The following STK32B variants were observed in gnomAD, a reference collection of about 807,000 sequenced individuals.
The protein encoded by STK32B is serine/threonine-protein kinase 32B.
STK32B carries 43 observed loss-of-function variants against 52.6 expected under a neutral mutation model. The observed-to-expected ratio is 0.82, with a 90% CI of 0.64 to 1.05. The LOEUF is 1.05. STK32B is among the 50% of genes least tolerant of loss of function. The pLI, the probability that STK32B is intolerant of heterozygous loss-of-function variation, is 0.00. For synonymous variants in STK32B, 238 were observed against 204.3 expected (o/e 1.17, Z -1.41); for missense variants, 621 against 534.6 (o/e 1.16, Z -1.59).
rs139433028 is a variant in STK32B at position 5,395,649 on chromosome 4, G to A, written c.435-2558G>A. On this transcript the variant is annotated intron_variant, in intron 4 of 11. Coordinates refer to ENST00000282908, the MANE Select transcript of STK32B (RefSeq NM_018401.3). The surrounding 1 kb of genome is among the most constrained non-coding windows in gnomAD (Gnocchi z 4.4). ...TGTTCACGACGTGTCCTTCATGACC[G>A]CAAAGGGGACACCCCCGTAAATGCT... Among the ~76,000 whole-genome samples the A allele has an allele frequency of 7.2e-5, 11 of 152,268 alleles. No individual in the cohort carries two copies. The highest frequency in any genetic ancestry group is 1.9e-4 in the East Asian group (1 of 5,172).
intron 1 of STK32B, among the ~76,000 whole-genome samples, chr4:5,100,984 G>A (rs960628822): frequency 4.0e-5 from 6 of 151,656 alleles, no homozygotes; most frequent in Admixed American, 1.3e-4. Flanking sequence ...CTGCAGCCTC[G>A]AACTCATGGG....
At chr4:5,120,790 T>A (rs1020444003) in intron 1 of STK32B, among the ~76,000 whole-genome samples, 3 of 151,892 alleles carry the variant, frequency 2.0e-5, no homozygotes, top group African/African-American at 7.2e-5. Context: ...ACTTTACATA[T>A]GTGTATGAAA....
intron 4 of STK32B, among the ~76,000 whole-genome samples, chr4:5,382,577 T>A (rs1736002276): frequency 6.6e-6 from 1 of 152,072 alleles, no homozygotes; most frequent in South Asian, 2.1e-4. Context: ...CTCTGTGGTC[T>A]TCCTAAAGAG....
In STK32B at chr4:5,386,826, G is replaced by C. The variant is rs1040292491; in HGVS notation, c.435-11381G>C. On this transcript the variant is annotated intron_variant, in intron 4 of 11. Transcript: ENST00000282908. The surrounding 1 kb of genome is among the most constrained non-coding windows in gnomAD (Gnocchi z 4.5). ...ACTCTCGGATTCCAATAGAAGTCAC[G>C]TGGATAGAGTCGGATTCAGCCTTGA... 2.0e-5 allele frequency among the ~76,000 whole-genome samples: 3 copies of C among 151,990 alleles called. No individual in the cohort carries two copies. The highest frequency in any genetic ancestry group is 7.2e-5 in the African/African-American group (3 of 41,432).
intron 1 of STK32B, among the ~76,000 whole-genome samples, chr4:5,097,016 T>C (rs1713439933): frequency 6.6e-6 from 1 of 152,216 alleles, no homozygotes; most frequent in Non-Finnish European, 1.5e-5. Context: ...AATAAGAAAC[T>C]TATCCAACTC....
chr4:5,085,860 G>T (rs1712704082), intron 1 of STK32B, among the ~76,000 whole-genome samples: 1 of 152,088 alleles, frequency 6.6e-6, no homozygotes, highest in South Asian at 2.1e-4. Context: ...CAACCCATGT[G>T]CCTTGTACCA....
Position 5,229,222 on chromosome 4 carries a change from G to GT in STK32B, c.260+60782dup, listed in dbSNP as rs3072782. ...ATAAAATGAGGTACGTCTATATTTA[G>GT]TTTTTTTTTTCCTTTTAAACTCTGA... On this transcript the variant is annotated intron_variant, in intron 3 of 11. Transcript: ENST00000282908. 5.2e-3 allele frequency among the ~76,000 whole-genome samples: 766 copies of GT among 148,282 alleles called. 11 individuals are homozygous for GT. The highest frequency in any genetic ancestry group is 0.017 in the African/African-American group (674 of 40,322).
chr4:5,493,201 T>A (rs1210201444), intron 11 of STK32B, among the ~76,000 whole-genome samples: 4 of 152,140 alleles, frequency 2.6e-5, no homozygotes, highest in African/African-American at 9.7e-5. Flanking sequence ...TGTGAATCCA[T>A]CTGGTCCTGG....
In STK32B at chr4:5,392,811, C is replaced by G. The variant is rs149002195; in HGVS notation, c.435-5396C>G. Among the ~76,000 whole-genome samples the G allele has an allele frequency of 7.9e-5, 12 of 152,284 alleles. No homozygotes were observed. In the East Asian group the frequency reaches 2.3e-3, roughly 29 times the overall value. On this transcript the variant is annotated intron_variant, in intron 4 of 11. Transcript: ENST00000282908. ...ACTGCACATGGCTAAATCCACATAA[C>G]ACACTTCAGATTGTCCCTGACACAC...
At chr4:5,362,120 A>C (rs1242281982) in intron 4 of STK32B, among the ~76,000 whole-genome samples, 1 of 152,208 alleles carries the variant, frequency 6.6e-6, no homozygotes, top group Non-Finnish European at 1.5e-5. Flanking sequence ...TGTATAGAAC[A>C]CATTTTTAAG....
At chr4:5,094,289 A>T (rs1713260205) in intron 1 of STK32B, among the ~76,000 whole-genome samples, 1 of 152,218 alleles carries the variant, frequency 6.6e-6, no homozygotes, top group Non-Finnish European at 1.5e-5. Flanking sequence ...GTTTAACTTT[A>T]AAAATGTCAA....
At chr4:5,313,740 C>A (rs11727782) in intron 3 of STK32B, among the ~76,000 whole-genome samples, 17,763 of 152,114 alleles carry the variant, frequency 0.12, 2,619 homozygotes, top group African/African-American at 0.35. Context: ...TGTGACAGCA[C>A]CATTACAGTA....
At chr4:5,229,232 T>TTC (rs397768292) in intron 3 of STK32B, among the ~76,000 whole-genome samples, 1 of 151,538 alleles carries the variant, frequency 6.6e-6, no homozygotes, top group African/African-American at 2.4e-5. Context: ...GTTTTTTTTT[T>TTC]CCTTTTAAAC....
rs186291158 is a variant in STK32B at position 5,269,541 on chromosome 4, T to C, written c.261-61679T>C. ...ATTGTGAGGTAATACAGCAATCAAC[T>C]GAAACAGACAATTTGTTAGAATTAG... On this transcript the variant is annotated intron_variant, in intron 3 of 11. Transcript: ENST00000282908. 1.6e-3 allele frequency among the ~76,000 whole-genome samples: 242 copies of C among 152,266 alleles called. 5 individuals are homozygous for C. Among genetic ancestry groups the C allele is most frequent in the Admixed American group, 0.014 (213 of 15,290 alleles).
At chr4:5,040,792 C>T in the STK32B span, among the ~76,000 whole-genome samples, 575 of 152,258 alleles carry the variant, frequency 3.8e-3, 3 homozygotes, top group African/African-American at 0.012. Context: ...CTGAGATATG[C>T]GTTGTCACCA....
At chr4:5,259,318 T>A (rs1000199898) in intron 3 of STK32B, among the ~76,000 whole-genome samples, 1 of 152,250 alleles carries the variant, frequency 6.6e-6, no homozygotes, top group African/African-American at 2.4e-5. Flanking sequence ...CCTAGAGGTA[T>A]GCTTGGCACA....
At chr4:5,199,928 AAT>A (rs1446920438) in intron 3 of STK32B, among the ~76,000 whole-genome samples, 4 of 152,132 alleles carry the variant, frequency 2.6e-5, no homozygotes, top group Non-Finnish European at 5.9e-5. Flanking sequence ...TCTGATAATG[AAT>A]ATGTTTGTGT....
At chr4:5,473,217 C>T (rs1410283527) in intron 11 of STK32B, among the ~76,000 whole-genome samples, 2 of 152,148 alleles carry the variant, frequency 1.3e-5, no homozygotes, top group Admixed American at 6.5e-5. Flanking sequence ...TGAGCATCTC[C>T]CTGGGGTCAG....
intron 11 of STK32B, among the ~76,000 whole-genome samples, chr4:5,471,681 C>T (rs886567189): frequency 2.0e-5 from 3 of 152,036 alleles, no homozygotes; most frequent in Non-Finnish European, 4.4e-5. Flanking sequence ...GCATGGGGAC[C>T]AGCGTTTTAA....
Sources: gnomAD v4.1 joint callset for allele counts (sites outside exome capture counted in the v4.1 genomes callset) on GRCh38, gnomAD v4.1.1 for gene constraint, Gnocchi (gnomAD v3.1) non-coding constraint, MANE v1.5 for transcripts, NCBI Gene and HGNC (gene_info 2026-07-23, HGNC 2026-07-21) for gene names.